Variants in PDE1A observed in about 807,000 individuals in gnomAD.
PDE1A encodes dual specificity calcium/calmodulin-dependent 3',5'-cyclic nucleotide phosphodiesterase 1A.
In PDE1A, 35 loss-of-function variants were observed where a neutral mutation model predicts 61.7. The observed-to-expected ratio is 0.57, with a 90% confidence interval of 0.43 to 0.75. The LOEUF (loss-of-function observed/expected upper bound fraction) is 0.75, where lower values mean the gene tolerates loss of function less well. Among genes scored for constraint, PDE1A ranks in the 30% least tolerant of loss-of-function variants. The pLI is 0.00. For missense variants in PDE1A, 597 were observed against 630.6 expected (o/e 0.95, Z 0.57); for synonymous variants, 232 against 213.2 (o/e 1.09, Z -0.77).
At chr2:182,552,762 G>A in the PDE1A span, among the ~76,000 whole-genome samples, 444 of 152,300 alleles carry the variant, frequency 2.9e-3, 1 homozygote, top group African/African-American at 0.01. Flanking sequence ...CCAGGCATTC[G>A]AGCCAGCAAT....
chr2:182,665,336 AT>A, the PDE1A span, among the ~76,000 whole-genome samples: 1 of 152,202 alleles, frequency 6.6e-6, no homozygotes, highest in South Asian at 2.1e-4. Context: ...AAGTCCTAAT[AT>A]TCAGAAGCTA....
chr2:182,402,653 C>G (rs1206663221), intron 1 of PDE1A, among the ~76,000 whole-genome samples: 2 of 152,132 alleles, frequency 1.3e-5, no homozygotes, highest in Non-Finnish European at 2.9e-5. Context: ...AAAGCAATGG[C>G]AACAAAAGCC....
At chr2:182,426,798 T>C (rs1703651149) in exon 1 of PDE1A, 4 of 1,445,394 alleles carry the variant, frequency 2.8e-6, no homozygotes, top group Admixed American at 2.6e-5. Context: ...CTCTGCCAGC[T>C]GAGCAGTGTG....
chr2:182,141,129 G>T (rs1021400188), exon 15 of PDE1A: 2 of 152,018 alleles, frequency 1.3e-5, no homozygotes, highest in African/African-American at 2.4e-5. Context: ...AAGTGGATAT[G>T]CTTCCTATGA....
chr2:182,553,332 G>A, the PDE1A span, among the ~76,000 whole-genome samples: 3 of 152,174 alleles, frequency 2.0e-5, no homozygotes, highest in Non-Finnish European at 2.9e-5. Context: ...CCAGGTTCAA[G>A]TGATTCTCCT....
chr2:182,294,919 A>C (rs954335494), intron 1 of PDE1A, among the ~76,000 whole-genome samples: 1 of 152,032 alleles, frequency 6.6e-6, no homozygotes. Context: ...AGGAAAGAGA[A>C]ACCTTTGGCC....
intron 2 of PDE1A, among the ~76,000 whole-genome samples, chr2:182,248,056 G>A (rs1014198714): frequency 2.0e-5 from 3 of 151,992 alleles, no homozygotes; most frequent in African/African-American, 7.2e-5. Flanking sequence ...AATGTGTCAA[G>A]ACCAGCCTGG....
chr2:182,158,563 C>A (rs931115966), intron 13 of PDE1A, among the ~76,000 whole-genome samples: 1 of 152,178 alleles, frequency 6.6e-6, no homozygotes, highest in Non-Finnish European at 1.5e-5. Flanking sequence ...CTGAATGAAT[C>A]CCATGTCCAG....
chr2:182,184,599 A>C (rs1685057058), intron 13 of PDE1A, among the ~76,000 whole-genome samples: 1 of 152,148 alleles, frequency 6.6e-6, no homozygotes, highest in African/African-American at 2.4e-5. Context: ...GTGTGAAGAG[A>C]AATGATACCA....
chr2:182,609,517 G>A, the PDE1A span, among the ~76,000 whole-genome samples: 3 of 152,314 alleles, frequency 2.0e-5, no homozygotes, highest in Admixed American at 2.0e-4. Flanking sequence ...CACTCCTGAA[G>A]CCAGCAAGAC....
intron 13 of PDE1A, among the ~76,000 whole-genome samples, chr2:182,179,359 CTTG>C (rs1684549979): frequency 6.6e-6 from 1 of 152,088 alleles, no homozygotes; most frequent in African/African-American, 2.4e-5. Context: ...TAAAAAGCAT[CTTG>C]TTGAGTGGAA....
rs1421867115 is a variant in PDE1A at position 182,216,252 on chromosome 2, T to C, written c.776+7612A>G. Among the ~76,000 whole-genome samples, 2 of 65,708 alleles carry C rather than the reference T, an allele frequency of 3.0e-5. 1 individual carries two copies. Among genetic ancestry groups the C allele is most frequent in the Non-Finnish European group, 6.2e-5 (2 of 32,388 alleles). 43.1% of individuals were successfully genotyped at this position (65,708 alleles called of 152,430 possible). On this transcript the variant is annotated intron_variant, in intron 7 of 13. Transcript: ENST00000351439. ...TAAAAACTCTCCATAAATTAGGTAT[T>C]GATGGGACATATTTCAAAATAGTAA... is the stretch of plus-strand genomic sequence containing the variant.
chr2:182,241,665 G>T, intron 2 of PDE1A: 1 of 507,354 alleles, frequency 2.0e-6, no homozygotes, highest in East Asian at 3.4e-5. Flanking sequence ...TATTTTCCAT[G>T]GTATTAAATA....
chr2:182,674,372 C>G, the PDE1A span, among the ~76,000 whole-genome samples: 1 of 151,980 alleles, frequency 6.6e-6, no homozygotes, highest in Non-Finnish European at 1.5e-5. Context: ...CTCCAGTAAA[C>G]TTTTCCCCAA....
the PDE1A span, among the ~76,000 whole-genome samples, chr2:182,533,318 A>G: frequency 6.6e-6 from 1 of 152,242 alleles, no homozygotes; most frequent in African/African-American, 2.4e-5. Context: ...CTCAGAAAAA[A>G]GCAAAGAAGA....
At chr2:182,639,013 TG>T in the PDE1A span, among the ~76,000 whole-genome samples, 1 of 152,180 alleles carries the variant, frequency 6.6e-6, no homozygotes, top group Admixed American at 6.5e-5. Context: ...CATGACATTT[TG>T]AAAGATCTGA....
At chr2:182,614,553 C>CTTT in the PDE1A span, among the ~76,000 whole-genome samples, 7 of 112,614 alleles carry the variant, frequency 6.2e-5, no homozygotes, top group East Asian at 2.7e-4. Flanking sequence ...ACTAGCATAT[C>CTTT]TTTTTTTTTT....
chr2:182,172,551 A>G (rs564807234), intron 13 of PDE1A, among the ~76,000 whole-genome samples: 2 of 151,994 alleles, frequency 1.3e-5, no homozygotes, highest in Non-Finnish European at 1.5e-5. Flanking sequence ...TGTGTAGTTA[A>G]ATGTCCTCTC....
rs532941128 is a variant in PDE1A, at chr2:182,277,874, C to A, written c.54-13460G>T. On this transcript the variant is annotated intron_variant, in intron 1 of 13. Coordinates refer to ENST00000351439, the Ensembl canonical transcript of PDE1A. ...TGTAACACTGTCAGAAAGCTGCTCA[C>A]CTAGAATGGCTCACACTGTCACTTG... Among the ~76,000 whole-genome samples the A allele has an allele frequency of 2.4e-3, 370 of 152,110 alleles. 1 individual carries two copies. Among genetic ancestry groups the A allele is most frequent in the African/African-American group, 8.6e-3 (359 of 41,546 alleles).
Sources: allele counts gnomAD v4.1 joint callset (sites outside exome capture counted in the v4.1 genomes callset), GRCh38; gene constraint gnomAD v4.1.1; transcripts MANE v1.5; gene names NCBI Gene and HGNC (gene_info 2026-07-23, HGNC 2026-07-21).